CDH12: variants seen among roughly 807,000 people sequenced by gnomAD.
CDH12 encodes cadherin-12.
Under a neutral mutation model 74.1 loss-of-function variants are expected in CDH12, and 41 were observed. The ratio of observed to expected loss-of-function variants is 0.55; its 90% CI spans 0.43 to 0.72. CDH12 has a LOEUF of 0.72. CDH12 is among the 30% of genes least tolerant of loss of function. CDH12 has a pLI of 0.00. For missense variants in CDH12, 945 were observed against 977.2 expected, an observed-to-expected ratio of 0.97 and a Z score of 0.44; for synonymous variants, 399 against 355.0, an observed-to-expected ratio of 1.12 and a Z score of -1.39.
chr5:22,798,253 C>G (rs896830187), intron 1 of CDH12, among the ~76,000 whole-genome samples: 2 of 152,108 alleles, frequency 1.3e-5, no homozygotes, highest in African/African-American at 4.8e-5. Context: ...CTCATTTCCT[C>G]TGAGGTTTAT....
At position 22,153,858 on chromosome 5, in the gene CDH12, GTATATATA is replaced by G. The variant is rs1208832724; in HGVS notation, c.-187+58632_-187+58639del. On this transcript the variant is annotated intron_variant, in intron 4 of 14. Transcript: ENST00000382254. Reference sequence around the variant, plus strand: ...TATATATATACATATATGTGTGTGTGTATATATATATATGTATATATATATATATAAAT... The same window carrying G: ...TATATATATACATATATGTGTGTGTGTATATGTATATATATATATATAAAT... Among the ~76,000 whole-genome samples, 229 of 103,216 alleles carry G rather than the reference GTATATATA, an allele frequency of 2.2e-3. 1 individual carries two copies. Among genetic ancestry groups the G allele is most frequent in the African/African-American group, 8.6e-3 (218 of 25,300 alleles). The allele number at this position is 103,216 out of a possible 152,430, so 67.7% of individuals were successfully genotyped here. A position where few individuals can be genotyped will look rare whatever the true frequency, so the allele number is the denominator to read the frequency against.
At chr5:21,901,079 T>C (rs1013342196) in intron 6 of CDH12, among the ~76,000 whole-genome samples, 2 of 152,232 alleles carry the variant, frequency 1.3e-5, no homozygotes, top group Non-Finnish European at 2.9e-5. Context: ...AGATTGCTCA[T>C]ATTTCTTCAG....
intron 3 of CDH12, among the ~76,000 whole-genome samples, chr5:22,306,988 A>G (rs1231349899): frequency 6.6e-6 from 1 of 152,312 alleles, no homozygotes; most frequent in Non-Finnish European, 1.5e-5. Flanking sequence ...ATATGCTGAT[A>G]TGAAAATTAT....
chr5:22,435,153 C>G (rs567216495), intron 2 of CDH12, among the ~76,000 whole-genome samples: 1 of 152,056 alleles, frequency 6.6e-6, no homozygotes, highest in East Asian at 1.9e-4. Flanking sequence ...GTGTGTGCAC[C>G]ATCTAATCAG....
chr5:21,793,573 C>A (rs945649779), intron 10 of CDH12, among the ~76,000 whole-genome samples: 2 of 151,644 alleles, frequency 1.3e-5, no homozygotes, highest in South Asian at 4.1e-4. Flanking sequence ...CAAGTCACCA[C>A]TGGATTTATT....
At chr5:21,882,348 ATTT>A (rs1387361283) in intron 6 of CDH12, among the ~76,000 whole-genome samples, 1 of 152,208 alleles carries the variant, frequency 6.6e-6, no homozygotes, top group Non-Finnish European at 1.5e-5. Context: ...AAAAAGACGT[ATTT>A]TTATTACTTT....
At chr5:22,400,320 A>T (rs1742674420) in intron 3 of CDH12, among the ~76,000 whole-genome samples, 1 of 152,154 alleles carries the variant, frequency 6.6e-6, no homozygotes, top group South Asian at 2.1e-4. Context: ...TCTGATAAAG[A>T]GGACTGTATA....
chr5:21,890,455 A>G (rs1347099442), intron 6 of CDH12, among the ~76,000 whole-genome samples: 1 of 152,182 alleles, frequency 6.6e-6, no homozygotes, highest in East Asian at 1.9e-4. Flanking sequence ...GAAGAGTGAA[A>G]AGAACTATAC....
chr5:22,234,761 T>C lies in CDH12; in HGVS notation c.-332-22118A>G, dbSNP rs1021089164. 4.6e-5 allele frequency among the ~76,000 whole-genome samples: 7 copies of C among 152,050 alleles called. 1 individual carries two copies. Among genetic ancestry groups the C allele is most frequent in the Non-Finnish European group, 1.0e-4 (7 of 67,978 alleles). ...CCATCTCTCCATTTACGTTTATCTA[T>C]ATTTTGCTTTTCTAAGAAATTCACT... On this transcript the variant is annotated intron_variant, in intron 3 of 14. Transcript: ENST00000382254.
At chr5:21,783,709 A>G (rs1466930211) in intron 10 of CDH12, among the ~76,000 whole-genome samples, 1 of 152,120 alleles carries the variant, frequency 6.6e-6, no homozygotes, top group Non-Finnish European at 1.5e-5. Context: ...TGCTGTTCAT[A>G]TTATTTTAGG....
chr5:22,289,460 T>C (rs1368939060), intron 3 of CDH12, among the ~76,000 whole-genome samples: 1 of 152,174 alleles, frequency 6.6e-6, no homozygotes, highest in East Asian at 1.9e-4. Flanking sequence ...TAGCATAAAA[T>C]GTGAAAAGTC....
chr5:21,993,453 T>C (rs559988798), intron 5 of CDH12, among the ~76,000 whole-genome samples: 253 of 152,280 alleles, frequency 1.7e-3, no homozygotes, highest in Admixed American at 5.4e-3. Flanking sequence ...AGAAAGTTTT[T>C]TCCAAGTGTA....
rs564083697 is a variant in CDH12, at chr5:22,417,911, G to T, written c.-427-12560C>A. Among the ~76,000 whole-genome samples, 8 of 152,230 alleles carry T rather than the reference G, an allele frequency of 5.3e-5. No individual in the cohort carries two copies. The South Asian group carries it at 1.7e-3, about 32-fold the overall frequency. On this transcript the variant is annotated intron_variant, in intron 2 of 14. Coordinates refer to ENST00000382254, the MANE Select transcript of CDH12 (RefSeq NM_004061.5). ...TTGAATAGATCTGTTGCTATTCATGGTTTTGGGATACCATACATGGGTTAC... is the reference window on the plus strand; with the variant it reads ...TTGAATAGATCTGTTGCTATTCATGTTTTTGGGATACCATACATGGGTTAC...
intron 2 of CDH12, among the ~76,000 whole-genome samples, chr5:22,427,514 A>C (rs1743990439): frequency 6.6e-6 from 1 of 152,120 alleles, no homozygotes; most frequent in African/African-American, 2.4e-5. Context: ...ATAGAACTAA[A>C]ACGATTTAAT....
Position 21,880,616 on chromosome 5 carries a change from C to CTTCTTTCTTTCTCTTTCTTTCTTTCT in CDH12, c.527-25827_527-25826insAGAAAGAAAGAAAGAGAAAGAAAGAA, listed in dbSNP as rs1752258195. Among the ~76,000 whole-genome samples the CTTCTTTCTTTCTCTTTCTTTCTTTCT allele has an allele frequency of 2.6e-4, 13 of 50,866 alleles. 1 individual carries two copies. Among genetic ancestry groups the CTTCTTTCTTTCTCTTTCTTTCTTTCT allele is most frequent in the African/African-American group, 1.1e-3 (12 of 11,418 alleles). 33.4% of individuals were successfully genotyped at this position (50,866 alleles called of 152,430 possible). A position where few individuals can be genotyped will look rare whatever the true frequency, so the allele number is the denominator to read the frequency against. Reference sequence around the variant, plus strand: ...CCTTCCTTCCTTCCTTCCTTCCTTCCTTCTTTCTTTCTTTCTTTCTTTCTT... The same window carrying CTTCTTTCTTTCTCTTTCTTTCTTTCT: ...CCTTCCTTCCTTCCTTCCTTCCTTCCTTCTTTCTTTCTCTTTCTTTCTTTCTTTCTTTCTTTCTTTCTTTCTTTCTT... On this transcript the variant is annotated intron_variant, in intron 6 of 14. Coordinates refer to ENST00000382254, the MANE Select transcript of CDH12 (RefSeq NM_004061.5).
intron 3 of CDH12, among the ~76,000 whole-genome samples, chr5:22,266,990 C>T (rs1201603034): frequency 6.6e-6 from 1 of 152,046 alleles, no homozygotes; most frequent in Non-Finnish European, 1.5e-5. Context: ...CTAAGCTACA[C>T]AATTAAAAAC....
intron 4 of CDH12, among the ~76,000 whole-genome samples, chr5:22,119,715 A>G (rs1745393214): frequency 6.6e-6 from 1 of 152,170 alleles, no homozygotes; most frequent in Admixed American, 6.5e-5. Context: ...CAAGGTATCC[A>G]TGCCTCGATT....
At chr5:22,000,313 T>G (rs1461332399) in intron 5 of CDH12, among the ~76,000 whole-genome samples, 1 of 152,124 alleles carries the variant, frequency 6.6e-6, no homozygotes, top group Non-Finnish European at 1.5e-5. Flanking sequence ...TTTTTATCTT[T>G]GACAGCCTGA....
chr5:22,761,542 T>TTA (rs958970037), intron 1 of CDH12, among the ~76,000 whole-genome samples: 3 of 152,172 alleles, frequency 2.0e-5, no homozygotes, highest in African/African-American at 7.2e-5. Flanking sequence ...GCTCTTTAAC[T>TTA]TATATATGCC....
Sources: allele counts gnomAD v4.1 joint callset (sites outside exome capture counted in the v4.1 genomes callset), GRCh38; gene constraint gnomAD v4.1.1; transcripts MANE v1.5; gene names NCBI Gene and HGNC (gene_info 2026-07-23, HGNC 2026-07-21).